The following LRRC9 variants were observed in gnomAD, a reference collection of about 807,000 sequenced individuals.
The protein encoded by LRRC9 is leucine rich repeat containing 9.
In LRRC9, 122 loss-of-function variants were observed where a neutral mutation model predicts 63.2. The ratio of observed to expected loss-of-function variants is 1.93; its 90% CI spans 1.67 to 2.24. LRRC9 has a LOEUF of 2.24. Among genes scored for constraint, LRRC9 ranks in the 30% most tolerant of loss-of-function variants. LRRC9 has a pLI of 0.00. For missense variants in LRRC9, 1,071 were observed against 627.7 expected, an observed-to-expected ratio of 1.71 and a Z score of -7.55; for synonymous variants, 366 against 213.1, an observed-to-expected ratio of 1.72 and a Z score of -6.25.
Position 59,939,135 on chromosome 14 carries a change from TTAAA to T in LRRC9, c.726+567_726+570del, listed in dbSNP as rs1881480757. Among the ~76,000 whole-genome samples, 3 of 149,842 alleles carry T rather than the reference TTAAA, an allele frequency of 2.0e-5. No individual in the cohort carries two copies. In the Admixed American group the frequency reaches 2.0e-4, roughly 10 times the overall value. ...TATATACATATATATAAATTAAAGC[TTAAA>T]TAACAGAAATGTAACAACCACTTCT... On this transcript the variant is annotated intron_variant, in intron 7 of 31. Transcript: ENST00000445360.
intron 12 of LRRC9, among the ~76,000 whole-genome samples, chr14:59,973,107 G>T (rs1885711201): frequency 6.6e-6 from 1 of 151,822 alleles, no homozygotes; most frequent in Non-Finnish European, 1.5e-5. Context: ...ATACCTTCAT[G>T]TTTTCCTCCT....
At chr14:60,034,015 CTTTTTTTTTTTTT>C (rs1157239003) in intron 29 of LRRC9, among the ~76,000 whole-genome samples, 2 of 116,058 alleles carry the variant, frequency 1.7e-5, no homozygotes, top group South Asian at 2.6e-4. Context: ...TTTTTTCTTT[CTTTTTTTTTTTTT>C]TTTTTTTTTT....
intron 23 of LRRC9, among the ~76,000 whole-genome samples, chr14:60,010,798 T>C (rs1034061395): frequency 1.3e-5 from 2 of 152,146 alleles, no homozygotes; most frequent in African/African-American, 2.4e-5. Context: ...ACCAATCTCT[T>C]TGCATAGCAA....
intron 17 of LRRC9, among the ~76,000 whole-genome samples, chr14:59,992,873 A>C (rs1888307448): frequency 6.6e-6 from 1 of 152,258 alleles, no homozygotes; most frequent in South Asian, 2.1e-4. Flanking sequence ...ACCAAGTTGG[A>C]AAACACTCTG....
intron 12 of LRRC9, among the ~76,000 whole-genome samples, chr14:59,971,802 A>C (rs1885535792): frequency 6.6e-6 from 1 of 152,014 alleles, no homozygotes; most frequent in Non-Finnish European, 1.5e-5. Context: ...ATTGCCTGCG[A>C]CCACTTTCAA....
At chr14:59,920,595 T>G (rs192449352) in intron 1 of LRRC9, among the ~76,000 whole-genome samples, 114 of 152,318 alleles carry the variant, frequency 7.5e-4, no homozygotes, top group African/African-American at 2.5e-3. Context: ...ACTGCTCATC[T>G]AGAGAGTGTA....
At chr14:59,956,504 A>C (rs905792225) in intron 8 of LRRC9, among the ~76,000 whole-genome samples, 1 of 152,000 alleles carries the variant, frequency 6.6e-6, no homozygotes, top group Non-Finnish European at 1.5e-5. Context: ...ATATTCCTCC[A>C]TCCCTTTATT....
At chr14:59,961,854 C>T (rs766628105) in intron 10 of LRRC9, among the ~76,000 whole-genome samples, 3 of 152,094 alleles carry the variant, frequency 2.0e-5, no homozygotes, top group Non-Finnish European at 4.4e-5. Flanking sequence ...GCCTGTGAAA[C>T]AGAGAAAGAT....
At chr14:59,982,545 C>G (rs1374739982) in intron 16 of LRRC9, among the ~76,000 whole-genome samples, 1 of 152,134 alleles carries the variant, frequency 6.6e-6, no homozygotes, top group Non-Finnish European at 1.5e-5. Context: ...CCAGAGAGAG[C>G]TGATTTTATA....
At chr14:59,925,997 C>T (rs1230812938) in intron 1 of LRRC9, among the ~76,000 whole-genome samples, 1 of 152,212 alleles carries the variant, frequency 6.6e-6, no homozygotes, top group Non-Finnish European at 1.5e-5. Context: ...ACTCAGCTCT[C>T]ATTCTGTCTC....
In LRRC9 at chr14:60,017,988, T is replaced by C. The variant is rs894162697; in HGVS notation, c.3318-383T>C. ...AAATGACCTACTTCAATATATATCA[T>C]CTGAAGTTTATAACCTGAAAAGCTT... On this transcript the variant is annotated intron_variant, in intron 24 of 31. Coordinates refer to ENST00000445360, the Ensembl canonical transcript of LRRC9. The surrounding 1 kb of genome is among the most constrained non-coding windows in gnomAD (Gnocchi z 4.0). Among the ~76,000 whole-genome samples the C allele has an allele frequency of 6.6e-6, 1 of 152,084 alleles. No individual in the cohort carries two copies. The highest frequency in any genetic ancestry group is 1.9e-4 in the East Asian group (1 of 5,180).
intron 8 of LRRC9, among the ~76,000 whole-genome samples, chr14:59,957,988 C>G (rs1236074119): frequency 6.6e-6 from 1 of 152,232 alleles, no homozygotes; most frequent in Non-Finnish European, 1.5e-5. Flanking sequence ...CTGCCTGCTC[C>G]TTCCTCTGGA....
intron 29 of LRRC9, among the ~76,000 whole-genome samples, chr14:60,044,742 G>A (rs983269560): frequency 6.6e-6 from 1 of 152,176 alleles, no homozygotes; most frequent in Non-Finnish European, 1.5e-5. Context: ...ATGTGCTGTT[G>A]AAAAGAATGT....
Position 59,962,734 on chromosome 14 carries a change from T to C in LRRC9, c.1211+1689T>C, listed in dbSNP as rs1490295990. 6.6e-6 allele frequency among the ~76,000 whole-genome samples: 1 copy of C among 152,064 alleles called. No homozygotes were observed. Among genetic ancestry groups the C allele is most frequent in the African/African-American group, 2.4e-5 (1 of 41,426 alleles). ...AGGATTTTTAAAAATTATTTGTTTC[T>C]TTTTAAATTATTGCAGAGGAAACTC... On this transcript the variant is annotated intron_variant, in intron 10 of 31. Coordinates refer to ENST00000445360, the Ensembl canonical transcript of LRRC9. This position sits in a 1 kb window ranked among gnomAD's most constrained non-coding sequence, Gnocchi z 5.1.
rs1889556545 is a variant in LRRC9, at chr14:60,003,444, TC to T, written c.2665-176del. 6.6e-6 allele frequency among the ~76,000 whole-genome samples: 1 copy of T among 152,230 alleles called. No individual in the cohort carries two copies. The highest frequency in any genetic ancestry group is 2.4e-5 in the African/African-American group (1 of 41,470). The stretch of plus-strand genomic sequence containing the variant: ...ATAAGTCCTTCTTGGAGTTATAATC[TC>T]GTCAAATTTTACTTTTCTGTAAACT... On this transcript the variant is annotated intron_variant, in intron 20 of 31. Coordinates refer to ENST00000445360, the Ensembl canonical transcript of LRRC9. This position sits in a 1 kb window ranked among gnomAD's most constrained non-coding sequence, Gnocchi z 4.2.
intron 10 of LRRC9, among the ~76,000 whole-genome samples, chr14:59,965,916 A>AAAAAAAAAAAAAAAAAC (rs1884805076): frequency 7.0e-6 from 1 of 142,588 alleles, no homozygotes; most frequent in African/African-American, 2.6e-5. Context: ...AAAAAAAAAA[A>AAAAAAAAAAAAAAAAAC]AAAAGATACT....
At chr14:59,937,645 A>T (rs906279908) in intron 6 of LRRC9, among the ~76,000 whole-genome samples, 1 of 152,194 alleles carries the variant, frequency 6.6e-6, no homozygotes, top group Non-Finnish European at 1.5e-5. Flanking sequence ...ATCATAAAAT[A>T]TTAGGGTTTA....
intron 9 of LRRC9, 72 bp from the exon 10 acceptor site, chr14:59,960,842 A>C: frequency 2.1e-6 from 1 of 483,614 alleles, no homozygotes; most frequent in Non-Finnish European, 3.6e-6. Flanking sequence ...AGTTAAAAAA[A>C]ATCTATCATA....
At chr14:60,035,778 G>A (rs1237704890) in intron 29 of LRRC9, among the ~76,000 whole-genome samples, 2 of 152,118 alleles carry the variant, frequency 1.3e-5, no homozygotes, top group Non-Finnish European at 2.9e-5. Flanking sequence ...ATTGTGTGAT[G>A]TCTCCAGCTT....
Sources: allele counts gnomAD v4.1 joint callset (sites outside exome capture counted in the v4.1 genomes callset), GRCh38; gene constraint gnomAD v4.1.1; non-coding constraint Gnocchi (gnomAD v3.1); transcripts MANE v1.5; gene names NCBI Gene and HGNC (gene_info 2026-07-23, HGNC 2026-07-21).